Variants in MFRP observed in about 807,000 individuals in gnomAD.
MFRP encodes C1q and TNF related 5.
In MFRP, 74 loss-of-function variants were observed where a neutral mutation model predicts 65.8. The observed-to-expected ratio is 1.12, with a 90% CI of 0.93 to 1.36. The LOEUF (loss-of-function observed/expected upper bound fraction) is 1.36, where lower values mean the gene tolerates loss of function less well. Among genes scored for constraint, MFRP ranks in the 40% most tolerant of loss-of-function variants. The probability of loss-of-function intolerance (pLI) is 0.00; values close to 1 mark genes in which losing one functional copy is unlikely to be tolerated. For synonymous variants in MFRP, 336 were observed against 288.3 expected (o/e 1.17, Z -1.68); for missense variants, 838 against 736.0 (o/e 1.14, Z -1.60).
At position 119,344,903 on chromosome 11, in the gene MFRP, G is replaced by C. The variant is rs1489935162; in HGVS notation, c.743C>G (p.Ala248Gly). 6.2e-7 allele frequency: 1 copy of C among 1,612,590 alleles called. No individual in the cohort carries two copies. The highest frequency in any genetic ancestry group is 2.2e-5 in the East Asian group (1 of 44,864). Residue 248 changes from alanine (A) to glycine (G), a missense_variant, in exon 6 of 15, where the codon GCC becomes GGC. Physicochemically the swap from Ala to Gly is moderately conservative, Grantham distance 60. Coordinates refer to ENST00000619721, the MANE Select transcript of MFRP (RefSeq NM_031433.4). The part of the protein sequence containing the change: ...DSSVEGFGFH[A>G]WYQAMAPGRG... ...CCCAGGGGCCATAGCCTGGTACCAGGCATGGAAACCAAATCCTTCCACACT... is the reference window on the plus strand; with the variant it reads ...CCCAGGGGCCATAGCCTGGTACCAGCCATGGAAACCAAATCCTTCCACACT...
rs1950529790 is a variant in MFRP, at chr11:119,343,924, A to G, written c.1016T>C (p.Ile339Thr). The change falls in exon 9 of 15, where the codon ATA (isoleucine) becomes ACA (threonine). Residue 339 changes from isoleucine to threonine, a missense_variant. Physicochemically the swap from Ile to Thr is moderately conservative, Grantham distance 89. Coordinates refer to ENST00000619721, the MANE Select transcript of MFRP (RefSeq NM_031433.4). ...GCTGAAGTTGTGGAACTGTAGTTCT[A>G]TGCTGTGTCCGGCAGGCACCGAGAT... ...WHISVPAGHS[I>T]ELQFHNFSLE... 1 of 1,613,222 alleles carries G rather than the reference A, an allele frequency of 6.2e-7. No homozygotes were observed. Among genetic ancestry groups the G allele is most frequent in the Non-Finnish European group, 8.5e-7 (1 of 1,179,862 alleles).
Position 119,346,138 on chromosome 11 carries a change from C to G in MFRP, c.179G>C (p.Arg60Pro). The G allele has an allele frequency of 6.3e-7, 1 of 1,598,906 alleles. No individual in the cohort carries two copies. The highest frequency in any genetic ancestry group is 8.5e-7 in the Non-Finnish European group (1 of 1,172,570). The change falls in exon 3 of 15, where the codon CGG (arginine) becomes CCG (proline). Residue 60 changes from arginine to proline, a missense_variant. Transcript: ENST00000619721. The stretch of plus-strand genomic sequence containing the variant: ...GAGCCAGGAGAAGCGGCAGTCTGGC[C>G]GTAGCCCTCGAGGACGCCGACCTGC... Reference protein sequence around the residue: ...PWHGRRPRGLRPDCRFSWLCV... With the variant: ...PWHGRRPRGLPPDCRFSWLCV...
Position 119,339,822 on chromosome 11 carries a change from C to G in MFRP, c.*1137G>C. The stretch of plus-strand genomic sequence containing the variant: ...GCGGGTCCCGCCTCTCCTCGCGGCC[C>G]GGGGTCCCCTCGAGGTCCCGGCAGT... On this transcript the variant is annotated 3_prime_UTR_variant, in exon 15 of 15. Transcript: ENST00000619721. The surrounding 1 kb of genome is among the most constrained non-coding windows in gnomAD (Gnocchi z 5.4). 1 of 1,515,238 alleles carries G rather than the reference C, an allele frequency of 6.6e-7. No homozygotes were observed. Among genetic ancestry groups the G allele is most frequent in the Non-Finnish European group, 8.8e-7 (1 of 1,138,194 alleles). The allele number at this position is 1,515,238 out of a possible 1,614,324, so 93.9% of individuals were successfully genotyped here. A position where few individuals can be genotyped will look rare whatever the true frequency, so the allele number is the denominator to read the frequency against.
intron 8 of MFRP, 70 bp from the exon 9 acceptor site, chr11:119,344,034 C>T: frequency 6.3e-7 from 1 of 1,594,748 alleles, no homozygotes; most frequent in Non-Finnish European, 8.5e-7. Context: ...CCAGAAGGGT[C>T]TTCTTCCCCC....
chr11:119,345,460 G>C lies in MFRP; in HGVS notation c.601C>G (p.Arg201Gly). 1 of 1,614,002 alleles carries C rather than the reference G, an allele frequency of 6.2e-7. No homozygotes were observed. Among genetic ancestry groups the C allele is most frequent in the Non-Finnish European group, 8.5e-7 (1 of 1,180,030 alleles). The stretch of plus-strand genomic sequence containing the variant: ...TCAGGCTCAGGGGAGAGTTCCAAGC[G>C]ATCAAAAAGGCAAGAGGCCACACTC... Reference protein sequence around the residue: ...IESVASCLFDRLELSPEPEGP... With the variant: ...IESVASCLFDGLELSPEPEGP... The change falls in exon 5 of 15, where the codon CGC becomes GGC. Residue 201 changes from arginine (R) to glycine (G), a missense_variant. Arg to Gly is a moderately radical substitution (Grantham distance 125). Coordinates refer to ENST00000619721, the MANE Select transcript of MFRP (RefSeq NM_031433.4).
chr11:119,341,390 C>CGTAT lies in MFRP; in HGVS notation c.*157_*158insATAC. The CGTAT allele has an allele frequency of 6.2e-6, 4 of 640,084 alleles. No homozygotes were observed. The highest frequency in any genetic ancestry group is 2.9e-5 in the Admixed American group (1 of 34,726). The allele number at this position is 640,084 out of a possible 1,614,324, so 39.7% of individuals were successfully genotyped here. ...AAGGAGCAGGGAGGGTGGTAGGGTC[C>CGTAT]CATGAGCCCCAGCTGAGGACTTCTC... On this transcript the variant is annotated 3_prime_UTR_variant, in exon 13 of 15. Coordinates refer to ENST00000619721, the MANE Select transcript of MFRP (RefSeq NM_031433.4).
Position 119,344,054 on chromosome 11 carries a change from T to G in MFRP, c.976-90A>C. 5 of 1,506,624 alleles carry G rather than the reference T, an allele frequency of 3.3e-6. No individual in the cohort carries two copies. The South Asian group carries it at 5.7e-5, about 17-fold the overall frequency. The allele number at this position is 1,506,624 out of a possible 1,614,324, so 93.3% of individuals were successfully genotyped here. On this transcript the variant is annotated intron_variant, in intron 8 of 14. Coordinates refer to ENST00000619721, the MANE Select transcript of MFRP (RefSeq NM_031433.4). ...AGGGTCTTCTTCCCCCACTGCTGGC[T>G]GGGGGGATGGGGTGGTGCTTTCATC...
At chr11:119,344,163 C>A in intron 8 of MFRP, 152 bp downstream of exon 8, 2 of 948,236 alleles carry the variant, frequency 2.1e-6, no homozygotes, top group South Asian at 1.4e-5. Context: ...ACACAGCAGG[C>A]ACTTAATAAT....
At chr11:119,340,072 G>A in intron 14 of MFRP, 112 bp downstream of exon 14, 1 of 1,337,784 alleles carries the variant, frequency 7.5e-7, no homozygotes. Context: ...GCTGCAAAGC[G>A]CGGGGAGTGG....
rs1308334239 is a variant in MFRP at position 119,345,585 on chromosome 11, T to C, written c.476A>G (p.Asn159Ser). The C allele has an allele frequency of 6.2e-7, 1 of 1,613,842 alleles. No homozygotes were observed. Among genetic ancestry groups the C allele is most frequent in the Non-Finnish European group, 8.5e-7 (1 of 1,179,970 alleles). Residue 159 changes from asparagine to serine, a missense_variant, in exon 5 of 15, where the codon AAC (asparagine) becomes AGC (serine). Transcript: ENST00000619721. ...GTTGGGGGGGTAAGGGTCTGGGTAG[T>C]TAGGGCTGCTGAAGAAGCCCCTTGG... ...SGPRGFFSSP[N>S]YPDPYPPNTH...
At chr11:119,344,102 T>TAAAG in intron 8 of MFRP, 138 bp from the exon 9 acceptor site, 1 of 1,189,070 alleles carries the variant, frequency 8.4e-7, no homozygotes, top group South Asian at 1.3e-5. Context: ...TAAGGACCTT[T>TAAAG]AATTTACCTG....
At chr11:119,343,173 A>T (rs941250765) in intron 9 of MFRP, among the ~76,000 whole-genome samples, 170 bp from the exon 10 acceptor site, 2 of 152,206 alleles carry the variant, frequency 1.3e-5, no homozygotes, top group Non-Finnish European at 2.9e-5. Flanking sequence ...CAGGGAAAGC[A>T]TTAAACAAAC....
At position 119,342,597 on chromosome 11, in the gene MFRP, TG is replaced by T. The variant is rs1222372034; in HGVS notation, c.1385del (p.Pro462GlnfsTer16). The stretch of plus-strand genomic sequence containing the variant: ...GGTCCCCAGGGGCAGGCTTCTCACC[TG>T]GGGGTGGGAACAAGGGGCCGCTGCA... ...DNCSGPLFPP[P>X]ELACEPVQVE... is the part of the protein sequence containing the mutation. On this transcript the variant is annotated frameshift_variant and splice_region_variant, in exon 11 of 15. Coordinates refer to ENST00000619721, the MANE Select transcript of MFRP (RefSeq NM_031433.4). LOFTEE classifies it high-confidence loss of function. 6.2e-7 allele frequency: 1 copy of T among 1,613,094 alleles called. No individual in the cohort carries two copies. The highest frequency in any genetic ancestry group is 1.1e-5 in the South Asian group (1 of 91,042).
chr11:119,344,181 C>T lies in MFRP; in HGVS notation c.975+134G>A, dbSNP rs1950533527. 1.2e-5 allele frequency: 12 copies of T among 987,548 alleles called. No homozygotes were observed. The South Asian group carries it at 1.6e-4, about 13-fold the overall frequency. 61.2% of individuals were successfully genotyped at this position (987,548 alleles called of 1,614,324 possible). Reference sequence around the variant, plus strand: ...CAGCAGGCACTTAATAATATTCCCCCATCCCCCGTCTGCTTGATCTCTGAC... The same window carrying T: ...CAGCAGGCACTTAATAATATTCCCCTATCCCCCGTCTGCTTGATCTCTGAC... On this transcript the variant is annotated intron_variant, in intron 8 of 14. Coordinates refer to ENST00000619721, the MANE Select transcript of MFRP (RefSeq NM_031433.4).
Position 119,341,884 on chromosome 11 carries a change from C to T in MFRP, c.1488G>A (p.Glu496=). 6.2e-7 allele frequency: 1 copy of T among 1,614,090 alleles called. No individual in the cohort carries two copies. The highest frequency in any genetic ancestry group is 8.5e-7 in the Non-Finnish European group (1 of 1,180,028). The change falls in exon 12 of 15, where the codon GAG becomes GAA. Residue 496 remains glutamate (E), a synonymous_variant. Transcript: ENST00000619721. ...NIWVGMITQE[E]VVEVLSGYKS... is the part of the protein sequence containing the mutation. ...TGTAACCGCTGAGGACCTCTACCAC[C>T]TCCTCCTGGGTGATCATGCCCACCC...
chr11:119,342,228 C>T (rs994689652), intron 11 of MFRP, among the ~76,000 whole-genome samples: 5 of 152,332 alleles, frequency 3.3e-5, no homozygotes, highest in Admixed American at 3.3e-4. Context: ...TCTCAGGGAA[C>T]ATGGGGCACC....
chr11:119,339,961 G>A lies in MFRP; in HGVS notation c.*1111-113C>T, dbSNP rs1447782517. 8 of 1,355,508 alleles carry A rather than the reference G, an allele frequency of 5.9e-6. No individual in the cohort carries two copies. The highest frequency in any genetic ancestry group is 4.6e-5 in the African/African-American group (3 of 65,380). The allele number at this position is 1,355,508 out of a possible 1,614,324, so 84.0% of individuals were successfully genotyped here. ...CGCCCCTGCCTGAGCTTCGGCCAGC[G>A]CCTCCTCCCGCACGGGTACCTCCTC... On this transcript the variant is annotated intron_variant, in intron 14 of 14. Transcript: ENST00000619721. The surrounding 1 kb of genome is among the most constrained non-coding windows in gnomAD (Gnocchi z 5.4).
chr11:119,342,843 G>T (rs1950516890), intron 10 of MFRP, 30 bp downstream of exon 10: 3 of 1,612,970 alleles, frequency 1.9e-6, no homozygotes, highest in Non-Finnish European at 2.5e-6. Flanking sequence ...TGCCTCTACT[G>T]CCCCCACCCA....
intron 5 of MFRP, 86 bp downstream of exon 5, chr11:119,345,334 A>G: frequency 7.3e-7 from 1 of 1,370,012 alleles, no homozygotes. Context: ...TTCCTCGGTT[A>G]GCCCTTCTCC....
Sources: gnomAD v4.1 joint callset for allele counts (sites outside exome capture counted in the v4.1 genomes callset) on GRCh38, gnomAD v4.1.1 for gene constraint, Gnocchi (gnomAD v3.1) non-coding constraint, MANE v1.5 for transcripts, NCBI Gene and HGNC (gene_info 2026-07-23, HGNC 2026-07-21) for gene names.